TAFA1: variants seen among roughly 807,000 people sequenced by gnomAD.
TAFA1 encodes the protein TAFA chemokine like family member 1.
In TAFA1, 4 loss-of-function variants were observed where a neutral mutation model predicts 18.5. The observed-to-expected ratio is 0.22, with a 90% confidence interval of 0.11 to 0.49. The LOEUF is 0.49. Among genes scored for constraint, TAFA1 ranks in the 20% least tolerant of loss-of-function variants. The probability of loss-of-function intolerance (pLI) is 0.98; values close to 1 mark genes in which losing one functional copy is unlikely to be tolerated. For missense variants in TAFA1, 147 were observed against 169.0 expected (o/e 0.87, Z 0.72); for synonymous variants, 56 against 55.2 (o/e 1.01, Z -0.06).
intron 2 of TAFA1, among the ~76,000 whole-genome samples, chr3:68,082,188 C>T (rs1363820026): frequency 1.4e-5 from 2 of 143,742 alleles, no homozygotes; most frequent in East Asian, 1.9e-4. Context: ...ATGGTGTGCG[C>T]ACCCACTGAG....
intron 3 of TAFA1, among the ~76,000 whole-genome samples, chr3:68,488,720 C>G (rs931831965): frequency 6.6e-6 from 1 of 152,122 alleles, no homozygotes; most frequent in Non-Finnish European, 1.5e-5. Flanking sequence ...TAGTGTACAG[C>G]CTGCAATATG....
chr3:68,199,048 A>G (rs1201651673), intron 2 of TAFA1, among the ~76,000 whole-genome samples: 1 of 151,530 alleles, frequency 6.6e-6, no homozygotes, highest in Non-Finnish European at 1.5e-5. Flanking sequence ...ATTTTTATGA[A>G]GAGTATAAAG....
At chr3:68,156,334 A>C (rs2065865922) in intron 2 of TAFA1, among the ~76,000 whole-genome samples, 1 of 152,190 alleles carries the variant, frequency 6.6e-6, no homozygotes, top group South Asian at 2.1e-4. Flanking sequence ...GCAGGCATGC[A>C]ATCTGAGTTT....
chr3:68,450,899 A>G (rs556433547), intron 3 of TAFA1, among the ~76,000 whole-genome samples: 9 of 152,200 alleles, frequency 5.9e-5, no homozygotes, highest in Non-Finnish European at 1.2e-4. Flanking sequence ...ATTGTAACTC[A>G]TTTGAAACTA....
intron 2 of TAFA1, among the ~76,000 whole-genome samples, chr3:68,097,798 G>A (rs913246014): frequency 6.6e-6 from 1 of 152,106 alleles, no homozygotes; most frequent in African/African-American, 2.4e-5. Context: ...AGAGGACCAT[G>A]GAAATGTACA....
intron 2 of TAFA1, among the ~76,000 whole-genome samples, chr3:68,217,417 A>G (rs190424381): frequency 6.6e-6 from 1 of 152,172 alleles, no homozygotes; most frequent in Admixed American, 6.6e-5. Flanking sequence ...GTCATAAAAA[A>G]CAAGAAAAAG....
At chr3:67,992,944 TG>T in the TAFA1 span, among the ~76,000 whole-genome samples, 3 of 152,340 alleles carry the variant, frequency 2.0e-5, no homozygotes, top group Non-Finnish European at 2.9e-5. Context: ...TGACAGAGCA[TG>T]GGAATTCCCG....
chr3:68,211,085 A>G (rs552147705), intron 2 of TAFA1, among the ~76,000 whole-genome samples: 14 of 152,124 alleles, frequency 9.2e-5, no homozygotes, highest in East Asian at 5.9e-4. Flanking sequence ...GCCTCCCCCA[A>G]GCGAGTGATC....
chr3:68,003,499 T>C (rs1704308067), upstream of TAFA1, among the ~76,000 whole-genome samples: 1 of 152,180 alleles, frequency 6.6e-6, no homozygotes, highest in South Asian at 2.1e-4. Context: ...TATAAGTGAT[T>C]TGTGAAATAA....
chr3:68,132,665 A>G (rs2065556373), intron 2 of TAFA1, among the ~76,000 whole-genome samples: 1 of 152,162 alleles, frequency 6.6e-6, no homozygotes, highest in African/African-American at 2.4e-5. Flanking sequence ...TTGGTGGCAT[A>G]AATGTCTTCT....
intron 2 of TAFA1, among the ~76,000 whole-genome samples, chr3:68,137,901 G>C (rs1303120923): frequency 1.3e-5 from 2 of 151,532 alleles, no homozygotes; most frequent in Non-Finnish European, 2.9e-5. Flanking sequence ...CTACTCCACA[G>C]TTACCTTTAT....
intron 2 of TAFA1, among the ~76,000 whole-genome samples, chr3:68,241,024 T>C (rs187079853): frequency 9.9e-5 from 15 of 152,178 alleles, no homozygotes; most frequent in Non-Finnish European, 1.8e-4. Context: ...TTGATTGAGA[T>C]TGGGGAAAAA....
chr3:68,028,286 C>T lies in TAFA1; in HGVS notation c.118+21542C>T, dbSNP rs567263211. 6.6e-5 allele frequency among the ~76,000 whole-genome samples: 10 copies of T among 151,438 alleles called. No individual in the cohort carries two copies. In the East Asian group the frequency reaches 1.6e-3, roughly 24 times the overall value. ...CTGCACTCCAGCTTGGGTGACAGAG[C>T]GAGACTCTGTCTCAAAAAACAAACA... On this transcript the variant is annotated intron_variant, in intron 2 of 4. Transcript: ENST00000478136.
intron 3 of TAFA1, among the ~76,000 whole-genome samples, chr3:68,454,354 A>G (rs1482449542): frequency 2.0e-5 from 3 of 152,110 alleles, no homozygotes; most frequent in African/African-American, 4.8e-5. Flanking sequence ...TCCCCAGCCT[A>G]TCACATCCCA....
chr3:68,494,404 T>A (rs2106689412), intron 3 of TAFA1, among the ~76,000 whole-genome samples: 1 of 152,354 alleles, frequency 6.6e-6, no homozygotes, highest in Non-Finnish European at 1.5e-5. Context: ...TGATATCTGG[T>A]ATCATTCTCC....
chr3:68,532,447 G>T (rs1341913090), intron 3 of TAFA1, among the ~76,000 whole-genome samples: 2 of 152,106 alleles, frequency 1.3e-5, no homozygotes, highest in Non-Finnish European at 2.9e-5. Flanking sequence ...GGGATGGAGG[G>T]TGGGCAGTGC....
chr3:68,265,874 C>G (rs1447550188), intron 2 of TAFA1, among the ~76,000 whole-genome samples: 1 of 152,118 alleles, frequency 6.6e-6, no homozygotes, highest in Admixed American at 6.5e-5. Flanking sequence ...GGGCACTGCA[C>G]AGCTCTAGCA....
At chr3:68,036,427 A>G (rs1416451567) in intron 2 of TAFA1, among the ~76,000 whole-genome samples, 1 of 109,920 alleles carries the variant, frequency 9.1e-6, no homozygotes, top group Non-Finnish European at 1.9e-5. Context: ...CGACAGAGTG[A>G]GACTCTGTCA....
intron 2 of TAFA1, among the ~76,000 whole-genome samples, chr3:68,326,561 C>T (rs564894038): frequency 2.0e-5 from 3 of 152,298 alleles, no homozygotes; most frequent in East Asian, 1.9e-4. Flanking sequence ...CCTGCATTGT[C>T]CATGCTGTCT....
Sources: allele counts gnomAD v4.1 joint callset (sites outside exome capture counted in the v4.1 genomes callset), GRCh38; gene constraint gnomAD v4.1.1; transcripts MANE v1.5; gene names NCBI Gene and HGNC (gene_info 2026-07-23, HGNC 2026-07-21).